NCKAP5: variants seen among roughly 807,000 people sequenced by gnomAD.
NCKAP5 encodes the protein nck-associated protein 5.
NCKAP5 carries 92 observed loss-of-function variants against 167.0 expected under a neutral mutation model. The observed-to-expected ratio is 0.55, with a 90% CI of 0.47 to 0.66. The LOEUF is 0.66. NCKAP5 is among the 30% of genes least tolerant of loss of function. The probability of loss-of-function intolerance (pLI) is 0.00; values close to 1 mark genes in which losing one functional copy is unlikely to be tolerated. For missense variants in NCKAP5, 2,378 were observed against 2,315.0 expected, an observed-to-expected ratio of 1.03 and a Z score of -0.56; for synonymous variants, 891 against 877.4, an observed-to-expected ratio of 1.02 and a Z score of -0.27.
intron 6 of NCKAP5, among the ~76,000 whole-genome samples, chr2:132,996,618 C>T (rs1465030183): frequency 1.5e-4 from 23 of 152,194 alleles, no homozygotes; most frequent in Admixed American, 1.5e-3. Flanking sequence ...CACTTTAATG[C>T]TCAAATATTT....
At chr2:132,726,019 C>T (rs546236310) in intron 18 of NCKAP5, among the ~76,000 whole-genome samples, 20 of 152,278 alleles carry the variant, frequency 1.3e-4, no homozygotes, top group African/African-American at 3.9e-4. Flanking sequence ...GGCACTCTGC[C>T]GTTGTCCCAG....
chr2:133,200,269 G>T (rs1057182114), intron 5 of NCKAP5, among the ~76,000 whole-genome samples: 3 of 151,828 alleles, frequency 2.0e-5, no homozygotes, highest in African/African-American at 7.3e-5. Flanking sequence ...CTGGCACACA[G>T]ATAGACTAAT....
At chr2:133,263,819 T>C (rs2089039440) in intron 4 of NCKAP5, among the ~76,000 whole-genome samples, 1 of 152,036 alleles carries the variant, frequency 6.6e-6, no homozygotes. Flanking sequence ...ATGGCTCACA[T>C]AAGGCACACA....
chr2:133,098,724 A>C (rs1299123740), intron 6 of NCKAP5, among the ~76,000 whole-genome samples: 1 of 152,246 alleles, frequency 6.6e-6, no homozygotes, highest in Non-Finnish European at 1.5e-5. Context: ...GCCATAATTA[A>C]AATATTCATA....
intron 3 of NCKAP5, among the ~76,000 whole-genome samples, chr2:133,337,876 C>G (rs1683317610): frequency 6.6e-6 from 1 of 152,128 alleles, no homozygotes; most frequent in African/African-American, 2.4e-5. Context: ...TAGAATGGAC[C>G]ATTCTTATGA....
intron 8 of NCKAP5, among the ~76,000 whole-genome samples, chr2:132,945,038 A>G (rs78451996): frequency 0.027 from 4,117 of 152,154 alleles, 176 homozygotes; most frequent in African/African-American, 0.092. Context: ...AACAGAGAAA[A>G]GACTTCTAGG....
At chr2:133,658,569 T>G in the NCKAP5 span, among the ~76,000 whole-genome samples, 1 of 151,874 alleles carries the variant, frequency 6.6e-6, no homozygotes, top group South Asian at 2.1e-4. Context: ...ATACAGAGAG[T>G]GGGCACACAA....
intron 3 of NCKAP5, among the ~76,000 whole-genome samples, chr2:133,496,043 CT>C (rs1476270521): frequency 1.3e-5 from 2 of 152,134 alleles, no homozygotes; most frequent in African/African-American, 4.8e-5. Context: ...TAATTAAATG[CT>C]TTTGGAGATG....
At chr2:133,280,751 A>G (rs2089906709) in intron 4 of NCKAP5, among the ~76,000 whole-genome samples, 1 of 152,196 alleles carries the variant, frequency 6.6e-6, no homozygotes, top group Non-Finnish European at 1.5e-5. Flanking sequence ...TTCTATGTAA[A>G]TAGCGCTTTA....
intron 5 of NCKAP5, among the ~76,000 whole-genome samples, chr2:133,181,064 A>G (rs182612811): frequency 2.0e-5 from 3 of 152,262 alleles, no homozygotes; most frequent in Middle Eastern, 3.4e-3. Context: ...GTAAGAAAAA[A>G]TATAAATAAA....
chr2:133,288,333 G>C (rs1679316305), intron 4 of NCKAP5, among the ~76,000 whole-genome samples: 1 of 152,148 alleles, frequency 6.6e-6, no homozygotes, highest in Non-Finnish European at 1.5e-5. Context: ...TTCTATTTTA[G>C]AGTGGTCTTC....
At chr2:132,709,078 T>C (rs1006312) in intron 19 of NCKAP5, among the ~76,000 whole-genome samples, 57,785 of 151,986 alleles carry the variant, frequency 0.38, 12,928 homozygotes, top group East Asian at 0.55. Flanking sequence ...CTTGTAAAAC[T>C]TTCCTATTAT....
At chr2:133,460,425 G>T (rs1158224538) in intron 3 of NCKAP5, among the ~76,000 whole-genome samples, 1 of 152,114 alleles carries the variant, frequency 6.6e-6, no homozygotes, top group Non-Finnish European at 1.5e-5. Flanking sequence ...ATTCTAACAT[G>T]AGTTTGGCTG....
chr2:133,005,079 C>G (rs1256098427), intron 6 of NCKAP5, among the ~76,000 whole-genome samples: 3 of 152,178 alleles, frequency 2.0e-5, no homozygotes. Context: ...ATTGTTCAAA[C>G]ACACGTTTTA....
intron 3 of NCKAP5, among the ~76,000 whole-genome samples, chr2:133,341,176 T>C (rs1026866284): frequency 1.3e-5 from 2 of 152,112 alleles, no homozygotes; most frequent in South Asian, 2.1e-4. Context: ...AAAACACTTA[T>C]TAAAGTATAT....
chr2:133,488,020 T>C (rs1681066461), intron 3 of NCKAP5, among the ~76,000 whole-genome samples: 1 of 152,194 alleles, frequency 6.6e-6, no homozygotes, highest in Admixed American at 6.5e-5. Context: ...TTATTGAGGG[T>C]TTGATCTGTG....
chr2:132,706,065 C>A (rs1688328315), intron 19 of NCKAP5, among the ~76,000 whole-genome samples: 1 of 152,034 alleles, frequency 6.6e-6, no homozygotes. Context: ...TACACATATA[C>A]AAATATAGTT....
intron 15 of NCKAP5, among the ~76,000 whole-genome samples, chr2:132,777,919 C>T (rs914343648): frequency 6.6e-6 from 1 of 151,812 alleles, no homozygotes; most frequent in Non-Finnish European, 1.5e-5. Flanking sequence ...AATACCCATA[C>T]TAAAATGGTC....
intron 17 of NCKAP5, among the ~76,000 whole-genome samples, chr2:132,730,196 T>C (rs780664968): frequency 7.2e-5 from 11 of 152,170 alleles, no homozygotes; most frequent in Non-Finnish European, 1.5e-4. Flanking sequence ...TGTAATTTAA[T>C]TAAGATAGAA....
Sources: gnomAD v4.1 joint callset for allele counts (sites outside exome capture counted in the v4.1 genomes callset) on GRCh38, gnomAD v4.1.1 for gene constraint, MANE v1.5 for transcripts, NCBI Gene and HGNC (gene_info 2026-07-23, HGNC 2026-07-21) for gene names.